The following LY75 variants were observed in gnomAD, a reference collection of about 807,000 sequenced individuals.
The protein encoded by LY75 is lymphocyte antigen 75, also known as C-type lectin domain family 13 member B.
In LY75, 185 loss-of-function variants were observed where a neutral mutation model predicts 231.7. The observed-to-expected ratio is 0.80, with a 90% CI of 0.71 to 0.90. The LOEUF (loss-of-function observed/expected upper bound fraction) is 0.90, where lower values mean the gene tolerates loss of function less well. LY75 is among the 40% of genes least tolerant of loss of function. The pLI is 0.00. For missense variants in LY75, 1,947 were observed against 2,050.2 expected (o/e 0.95, Z 0.97); for synonymous variants, 668 against 689.0 (o/e 0.97, Z 0.48).
At chr2:159,880,314 A>G (rs1685396062) in intron 8 of LY75, among the ~76,000 whole-genome samples, 1 of 152,246 alleles carries the variant, frequency 6.6e-6, no homozygotes, top group South Asian at 2.1e-4. Context: ...CTATAGGAGT[A>G]AGGTGGTTTC....
At chr2:159,805,530 T>C (rs1462774098) in intron 34 of LY75, among the ~76,000 whole-genome samples, 1 of 152,234 alleles carries the variant, frequency 6.6e-6, no homozygotes, top group Non-Finnish European at 1.5e-5. Context: ...CTAACACCAA[T>C]TTGGGAACAT....
intron 2 of LY75, among the ~76,000 whole-genome samples, chr2:159,898,230 T>C (rs1685956226): frequency 6.6e-6 from 1 of 152,210 alleles, no homozygotes; most frequent in African/African-American, 2.4e-5. Context: ...TCCTGCTGCC[T>C]CAGTCTCTCG....
chr2:159,885,256 A>G lies in LY75; in HGVS notation c.951T>C (p.Cys317=). The G allele has an allele frequency of 6.2e-7, 1 of 1,613,704 alleles. No homozygotes were observed. The highest frequency in any genetic ancestry group is 8.5e-7 in the Non-Finnish European group (1 of 1,179,714). ...GACCAGACTCAGCATCCATTCTTGC[A>G]CAGCTGGAGCCACCTATAGTAGGTG... ...PSAPTIGGSS[C]ARMDAESGLW... is the part of the protein sequence containing the mutation. Residue 317 remains cysteine (C), a synonymous_variant, in exon 6 of 35, where the codon TGT becomes TGC. Coordinates refer to ENST00000263636, the MANE Select transcript of LY75 (RefSeq NM_002349.4).
At chr2:159,828,105 TA>T (rs1428896781) in intron 28 of LY75, among the ~76,000 whole-genome samples, 1 of 144,504 alleles carries the variant, frequency 6.9e-6, no homozygotes, top group African/African-American at 2.6e-5. Flanking sequence ...TAAAGTACAA[TA>T]AAAAAAGAAG....
At chr2:159,893,100 C>T (rs1412660342) in intron 3 of LY75, among the ~76,000 whole-genome samples, 1 of 152,150 alleles carries the variant, frequency 6.6e-6, no homozygotes, top group South Asian at 2.1e-4. Flanking sequence ...GCCAAAGTTC[C>T]ACATCACCAA....
Position 159,882,307 on chromosome 2 carries a change from T to A in LY75, c.1063A>T (p.Thr355Ser), listed in dbSNP as rs922408542. Reference protein sequence around the residue: ...NNTVELTDVWTYSDTRCDAGW... With the variant: ...NNTVELTDVWSYSDTRCDAGW... ...GCATCACAGCGGGTATCTGAGTATG[T>A]CCAGACATCTGGGGGAAAAGCAGCT... Residue 355 changes from threonine (T) to serine (S), a missense_variant, in exon 7 of 35, where the codon ACA becomes TCA. Thr to Ser is a moderately conservative substitution (Grantham distance 58). Transcript: ENST00000263636. The A allele has an allele frequency of 7.4e-6, 12 of 1,613,298 alleles. No homozygotes were observed. The highest frequency in any genetic ancestry group is 2.2e-5 in the South Asian group (2 of 90,964).
intron 2 of LY75, among the ~76,000 whole-genome samples, chr2:159,894,383 G>A (rs977605134): frequency 6.6e-6 from 1 of 152,294 alleles, no homozygotes; most frequent in Admixed American, 6.5e-5. Context: ...GTGATGAGGC[G>A]CTGAAAGAGC....
chr2:159,875,299 G>A (rs890899484), intron 12 of LY75, 145 bp downstream of exon 12: 276 of 1,154,336 alleles, frequency 2.4e-4, no homozygotes, highest in Non-Finnish European at 2.9e-4. Flanking sequence ...GAGGTTCAGC[G>A]ATGCCCTGCC....
intron 25 of LY75, among the ~76,000 whole-genome samples, chr2:159,839,389 T>C (rs1574545931): frequency 6.6e-6 from 1 of 152,186 alleles, no homozygotes; most frequent in Non-Finnish European, 1.5e-5. Flanking sequence ...TGTGTAATGA[T>C]TCCGGTTTGT....
chr2:159,819,981 T>A, intron 28 of LY75, 61 bp from the exon 29 acceptor site: 2 of 1,462,870 alleles, frequency 1.4e-6, no homozygotes, highest in Non-Finnish European at 1.8e-6. Flanking sequence ...ATTACACTTA[T>A]ACAGTTAAGA....
At chr2:159,806,554 A>C (rs928514848) in intron 34 of LY75, among the ~76,000 whole-genome samples, 7 of 152,214 alleles carry the variant, frequency 4.6e-5, no homozygotes, top group African/African-American at 1.7e-4. Context: ...GTTTTCAATA[A>C]CTAAATCCAG....
At chr2:159,850,206 A>G (rs1684340627) in intron 22 of LY75, 66 bp from the exon 23 acceptor site, 5 of 1,529,284 alleles carry the variant, frequency 3.3e-6, no homozygotes, top group Admixed American at 2.2e-5. Context: ...AAAAATGTCA[A>G]TGAATATATT....
chr2:159,879,097 A>G (rs944500084), intron 9 of LY75, among the ~76,000 whole-genome samples, 162 bp downstream of exon 9: 1 of 152,222 alleles, frequency 6.6e-6, no homozygotes, highest in African/African-American at 2.4e-5. Flanking sequence ...AAGAAGGCCA[A>G]TATGCTATGA....
chr2:159,805,180 C>G lies in LY75; in HGVS notation c.5033G>C (p.Ser1678Thr). 1 of 1,614,088 alleles carries G rather than the reference C, an allele frequency of 6.2e-7. No homozygotes were observed. The highest frequency in any genetic ancestry group is 8.5e-7 in the Non-Finnish European group (1 of 1,179,984). The change falls in exon 35 of 35, where the codon AGT becomes ACT. Residue 1678 changes from serine to threonine, a missense_variant. Ser to Thr is a moderately conservative substitution (Grantham distance 58). Transcript: ENST00000263636. The stretch of plus-strand genomic sequence containing the variant: ...CAGTCCGCCCATGAGAACTAAGATA[C>G]TTAGTGTGGCAACTATGATAGCTAT... ...TAIAIIVATL[S>T]ILVLMGGLIW...
At chr2:159,872,695 T>A in intron 12 of LY75, 102 bp from the exon 13 acceptor site, 1 of 1,334,672 alleles carries the variant, frequency 7.5e-7, no homozygotes, top group Non-Finnish European at 1.0e-6. Context: ...TGAAATGAAT[T>A]CTTAAAGGTG....
rs1683872838 is a variant in LY75 at position 159,837,589 on chromosome 2, C to T, written c.3508-1944G>A. 3.3e-5 allele frequency among the ~76,000 whole-genome samples: 5 copies of T among 151,808 alleles called. No homozygotes were observed. The South Asian group carries it at 8.3e-4, about 25-fold the overall frequency. On this transcript the variant is annotated intron_variant, in intron 25 of 34. Transcript: ENST00000263636. ...TCAACTGAAGCCCAAGCCTCAGCATCCCACAGTGTATGTATTGTAACAATC... is the reference window on the plus strand; with the variant it reads ...TCAACTGAAGCCCAAGCCTCAGCATTCCACAGTGTATGTATTGTAACAATC...
At chr2:159,833,129 CTTTTTTTTTTTT>C (rs5835769) in intron 27 of LY75, among the ~76,000 whole-genome samples, 1 of 134,004 alleles carries the variant, frequency 7.5e-6, no homozygotes, top group East Asian at 2.2e-4. Context: ...TTCCCCCTTC[CTTTTTTTTTTTT>C]TTTTTGGAGA....
At chr2:159,853,151 A>G (rs771944278) in intron 20 of LY75, 122 bp downstream of exon 20, 36 of 1,018,492 alleles carry the variant, frequency 3.5e-5, no homozygotes, top group Non-Finnish European at 4.7e-5. Flanking sequence ...TGCTAATAAT[A>G]AATCAGAATA....
chr2:159,803,598 G>T lies in LY75; in HGVS notation c.*1446C>A. 1 of 142,360 alleles carries T rather than the reference G, an allele frequency of 7.0e-6. No homozygotes were observed. The highest frequency in any genetic ancestry group is 3.4e-3 in the Middle Eastern group (1 of 290). The allele number at this position is 142,360 out of a possible 1,614,324, so 8.8% of individuals were successfully genotyped here. A position where few individuals can be genotyped will look rare whatever the true frequency, so the allele number is the denominator to read the frequency against. ...TTATCATAGTGTAAATACTCTAAAT[G>T]TAAAATAAATCTATGGATTTTATAC... is the stretch of plus-strand genomic sequence containing the variant. On this transcript the variant is annotated 3_prime_UTR_variant, in exon 35 of 35. Transcript: ENST00000263636.
Sources: gnomAD v4.1 joint callset for allele counts (sites outside exome capture counted in the v4.1 genomes callset) on GRCh38, gnomAD v4.1.1 for gene constraint, MANE v1.5 for transcripts, NCBI Gene and HGNC (gene_info 2026-07-23, HGNC 2026-07-21) for gene names.